The following CORO7 variants were observed in gnomAD, a reference collection of about 807,000 sequenced individuals.
CORO7 encodes coronin-7.
A neutral mutation model predicts 126.6 loss-of-function variants in CORO7; 107 were observed. That is an observed-to-expected ratio of 0.85 (90% CI 0.72 to 0.99). The LOEUF is 0.99. Among genes scored for constraint, CORO7 ranks in the 50% least tolerant of loss-of-function variants. CORO7 has a pLI of 0.00. For synonymous variants in CORO7, 603 were observed against 536.8 expected (o/e 1.12, Z -1.70); for missense variants, 1,314 against 1,255.8 (o/e 1.05, Z -0.70).
intron 9 of CORO7, among the ~76,000 whole-genome samples, chr16:4,385,278 G>A (rs1376318209): frequency 6.6e-6 from 1 of 152,156 alleles, no homozygotes; most frequent in Admixed American, 6.5e-5. Flanking sequence ...AGGGAGGGAA[G>A]ACAACATGCT....
At chr16:4,366,146 C>T (rs989388170) in intron 9 of CORO7, among the ~76,000 whole-genome samples, 7 of 152,180 alleles carry the variant, frequency 4.6e-5, no homozygotes, top group Non-Finnish European at 5.9e-5. Context: ...GCCACGTGCC[C>T]GGGAGAAGGG....
At position 4,364,304 on chromosome 16, in the gene CORO7, T is replaced by TCCATCA. The variant is rs2054277803; in HGVS notation, c.1241_1246dup (p.Val414_Met415dup). The stretch of plus-strand genomic sequence containing the variant: ...TGCGTCTGCATCACCCACGGGTGTC[T>TCCATCA]CCATCACCGCAGGCTGGGCTGTGTC... On this transcript the variant is annotated inframe_insertion, in exon 14 of 28. Transcript: ENST00000251166. The TCCATCA allele has an allele frequency of 4.5e-6, 7 of 1,549,016 alleles. No homozygotes were observed. In the South Asian group the frequency reaches 8.7e-5, roughly 19 times the overall value.
rs774682283 is a variant in CORO7 at position 4,355,272 on chromosome 16, C to T, written c.2772+14G>A. 5 of 1,613,040 alleles carry T rather than the reference C, an allele frequency of 3.1e-6. No individual in the cohort carries two copies. Among genetic ancestry groups the T allele is most frequent in the African/African-American group, 2.7e-5 (2 of 74,888 alleles). The stretch of plus-strand genomic sequence containing the variant: ...CGCGCTGCCTGCCGGGAAGTGAGGC[C>T]ACTCACTACTCACCCACTCGTCCTC... On this transcript the variant is annotated intron_variant, in intron 27 of 27. Transcript: ENST00000251166.
rs112846538 is a variant in CORO7, at chr16:4,391,963, C to T, written c.615+3326G>A. Among the ~76,000 whole-genome samples the T allele has an allele frequency of 3.5e-3, 534 of 152,294 alleles. 5 individuals are homozygous for T. The highest frequency in any genetic ancestry group is 0.012 in the African/African-American group (511 of 41,556). ...CGTGCCCGCCCCTTCATCACCATGGCGACACTTCCTGTGCAGGGCAGGATG... is the reference window on the plus strand; with the variant it reads ...CGTGCCCGCCCCTTCATCACCATGGTGACACTTCCTGTGCAGGGCAGGATG... On this transcript the variant is annotated intron_variant, in intron 7 of 27. Transcript: ENST00000251166.
rs147491703 is a variant in CORO7, at chr16:4,364,843, C to T, written c.976G>A (p.Glu326Lys). The T allele has an allele frequency of 3.7e-6, 6 of 1,612,076 alleles. No individual in the cohort carries two copies. Among genetic ancestry groups the T allele is most frequent in the African/African-American group, 2.7e-5 (2 of 74,934 alleles). ...PRQALAVMSC[E>K]VLRVLQLSDT... ...CTCAGCTGTAGGACGCGGAGTACCTCGCAGCTCATGACGGCCAGCGCCTGC... is the reference window on the plus strand; with the variant it reads ...CTCAGCTGTAGGACGCGGAGTACCTTGCAGCTCATGACGGCCAGCGCCTGC... The change falls in exon 12 of 28, where the codon GAG (glutamate) becomes AAG (lysine). Residue 326 changes from glutamate to lysine, a missense_variant. Transcript: ENST00000251166.
chr16:4,357,885 G>A, intron 25 of CORO7, 83 bp downstream of exon 25: 5 of 1,528,796 alleles, frequency 3.3e-6, no homozygotes, highest in Non-Finnish European at 4.4e-6. Flanking sequence ...CGTGCCAACA[G>A]GAATGGAACT....
intron 9 of CORO7, chr16:4,382,702 G>C: frequency 1.3e-6 from 2 of 1,548,884 alleles, no homozygotes; most frequent in Non-Finnish European, 1.7e-6. Context: ...GGCAGCAGCG[G>C]CTCAGGACAA....
At chr16:4,357,795 A>G in intron 25 of CORO7, 173 bp downstream of exon 25, 1 of 1,217,902 alleles carries the variant, frequency 8.2e-7, no homozygotes, top group Non-Finnish European at 1.1e-6. Context: ...ATGAAAACAC[A>G]GACCACGAGC....
At chr16:4,388,687 C>T (rs1209642258) in intron 7 of CORO7, 56 bp from the exon 8 acceptor site, 3 of 1,560,070 alleles carry the variant, frequency 1.9e-6, no homozygotes, top group Non-Finnish European at 2.6e-6. Context: ...TGGGCGGGGC[C>T]CCCTGGAATG....
intron 3 of CORO7, among the ~76,000 whole-genome samples, chr16:4,409,208 C>T (rs539579720): frequency 2.0e-5 from 3 of 152,326 alleles, no homozygotes; most frequent in South Asian, 2.1e-4. Context: ...GTCTTCCTCC[C>T]GGCCTCAGGA....
At chr16:4,357,935 C>T (rs202129042) in intron 25 of CORO7, 33 bp downstream of exon 25, 26 of 1,576,534 alleles carry the variant, frequency 1.6e-5, no homozygotes, top group South Asian at 1.6e-4. Flanking sequence ...ACCCCCATCC[C>T]GCTTCCTCCC....
intron 7 of CORO7, among the ~76,000 whole-genome samples, chr16:4,394,398 G>A (rs1290521454): frequency 1.3e-5 from 2 of 149,192 alleles, no homozygotes; most frequent in African/African-American, 2.5e-5. Flanking sequence ...GCAGTGAGCC[G>A]AGATCACAAC....
intron 10 of CORO7, among the ~76,000 whole-genome samples, chr16:4,365,278 C>T (rs1044397499): frequency 2.6e-5 from 4 of 152,146 alleles, no homozygotes; most frequent in Admixed American, 1.3e-4. Context: ...CGGGGGTGTA[C>T]GTCAGTATTT....
intron 3 of CORO7, among the ~76,000 whole-genome samples, chr16:4,412,129 C>T (rs1009238952): frequency 1.3e-5 from 2 of 152,140 alleles, no homozygotes; most frequent in Admixed American, 1.3e-4. Flanking sequence ...CCCGCTCCAT[C>T]CAGCTCACAA....
Position 4,355,085 on chromosome 16 carries a change from G to A in CORO7, c.*73C>T. 2 of 1,426,564 alleles carry A rather than the reference G, an allele frequency of 1.4e-6. No homozygotes were observed. Among genetic ancestry groups the A allele is most frequent in the East Asian group, 2.5e-5 (1 of 39,644 alleles). 88.4% of individuals were successfully genotyped at this position (1,426,564 alleles called of 1,614,324 possible). A position where few individuals can be genotyped will look rare whatever the true frequency, so the allele number is the denominator to read the frequency against. On this transcript the variant is annotated 3_prime_UTR_variant, in exon 28 of 28. Transcript: ENST00000251166. ...GCCGGGGCCAGAGAGGTATCTTCCAGCTTGAGGATGAGCCGTGAGGTGTGC... is the reference window on the plus strand; with the variant it reads ...GCCGGGGCCAGAGAGGTATCTTCCAACTTGAGGATGAGCCGTGAGGTGTGC...
chr16:4,382,314 G>A, intron 9 of CORO7: 2 of 1,610,926 alleles, frequency 1.2e-6, no homozygotes, highest in South Asian at 1.1e-5. Flanking sequence ...TGCGCGTGGG[G>A]CTGCAGCGCT....
At chr16:4,388,679 G>A (rs747665850) in intron 7 of CORO7, 48 bp from the exon 8 acceptor site, 1 of 1,572,494 alleles carries the variant, frequency 6.4e-7, no homozygotes, top group South Asian at 1.2e-5. Flanking sequence ...CCTGCTGGTG[G>A]GCGGGGCCCC....
chr16:4,378,803 G>A (rs922426652), intron 9 of CORO7, among the ~76,000 whole-genome samples: 14 of 152,000 alleles, frequency 9.2e-5, no homozygotes, highest in Non-Finnish European at 4.4e-5. Flanking sequence ...GGGGGCACAC[G>A]ACAGCAAGGG....
At chr16:4,409,885 G>A (rs1165437727) in intron 3 of CORO7, among the ~76,000 whole-genome samples, 2 of 152,254 alleles carry the variant, frequency 1.3e-5, no homozygotes, top group East Asian at 1.9e-4. Flanking sequence ...CTCTGAGGCA[G>A]AAGGGCACCT....
Sources: gnomAD v4.1 joint callset for allele counts (sites outside exome capture counted in the v4.1 genomes callset) on GRCh38, gnomAD v4.1.1 for gene constraint, MANE v1.5 for transcripts, NCBI Gene and HGNC (gene_info 2026-07-23, HGNC 2026-07-21) for gene names.